NBEA: variants seen among roughly 807,000 people sequenced by gnomAD.
NBEA encodes neurobeachin, also known as lysosomal-trafficking regulator 2.
NBEA carries 44 observed loss-of-function variants against 343.4 expected under a neutral mutation model. The observed-to-expected ratio is 0.13, with a 90% CI of 0.10 to 0.16. The LOEUF (loss-of-function observed/expected upper bound fraction) is 0.16. Ranked by LOEUF, NBEA falls within the 10% of genes least tolerant of loss-of-function variation. NBEA has a pLI of 1.00. For synonymous variants in NBEA, 1,175 were observed against 1,238.7 expected (o/e 0.95, Z 1.08); for missense variants, 2,555 against 3,631.3 (o/e 0.70, Z 7.62).
chr13:35,308,576 G>GTATATATGTA (rs2037136564), intron 35 of NBEA, among the ~76,000 whole-genome samples: 2 of 118,408 alleles, frequency 1.7e-5, no homozygotes, highest in South Asian at 2.4e-4. Flanking sequence ...GTATATATAT[G>GTATATATGTA]TATATATGTA....
chr13:35,178,797 A>C (rs1323147572), intron 28 of NBEA, among the ~76,000 whole-genome samples: 2 of 151,534 alleles, frequency 1.3e-5, no homozygotes, highest in African/African-American at 4.8e-5. Flanking sequence ...CTGTAATCTA[A>C]ACTCTAACCT....
chr13:35,275,533 A>G (rs575916276), intron 34 of NBEA, among the ~76,000 whole-genome samples: 1 of 152,340 alleles, frequency 6.6e-6, no homozygotes, highest in African/African-American at 2.4e-5. Flanking sequence ...GAGCTTCTGC[A>G]CAGCAAAGGA....
At chr13:35,449,354 G>A (rs1045226045) in intron 39 of NBEA, among the ~76,000 whole-genome samples, 1 of 152,206 alleles carries the variant, frequency 6.6e-6, no homozygotes, top group Non-Finnish European at 1.5e-5. Flanking sequence ...AACAGTGATG[G>A]CCTGAACTAG....
chr13:35,607,263 C>T (rs73501151), intron 48 of NBEA, among the ~76,000 whole-genome samples: 4,804 of 152,174 alleles, frequency 0.032, 278 homozygotes, highest in African/African-American at 0.11. Flanking sequence ...CACTATGTTG[C>T]ACGCACTGAT....
chr13:35,010,371 G>T (rs903779814), intron 1 of NBEA, among the ~76,000 whole-genome samples: 1 of 151,956 alleles, frequency 6.6e-6, no homozygotes, highest in East Asian at 1.9e-4. Flanking sequence ...GAGGCTAGGA[G>T]TTTGAAGACC....
chr13:35,086,285 C>T (rs1037753566), intron 10 of NBEA, among the ~76,000 whole-genome samples: 1 of 151,812 alleles, frequency 6.6e-6, no homozygotes, highest in Non-Finnish European at 1.5e-5. Flanking sequence ...AATCCTAAGC[C>T]GTTTTGGTAA....
chr13:35,176,811 T>C (rs1166171585), intron 27 of NBEA, among the ~76,000 whole-genome samples, 185 bp from the exon 28 acceptor site: 2 of 151,910 alleles, frequency 1.3e-5, no homozygotes, highest in African/African-American at 4.8e-5. Context: ...AGAATGCTAG[T>C]ATGGAAACCA....
At chr13:35,464,697 G>A (rs2047078074) in intron 40 of NBEA, among the ~76,000 whole-genome samples, 1 of 152,166 alleles carries the variant, frequency 6.6e-6, no homozygotes, top group African/African-American at 2.4e-5. Flanking sequence ...GGAGATGATA[G>A]TAGTGCTATC....
intron 36 of NBEA, among the ~76,000 whole-genome samples, chr13:35,329,529 A>G (rs1215083671): frequency 6.6e-6 from 1 of 152,020 alleles, no homozygotes; most frequent in Non-Finnish European, 1.5e-5. Flanking sequence ...TGAGCTACTG[A>G]TACACACAAT....
At chr13:35,387,435 T>C (rs2042294371) in intron 38 of NBEA, among the ~76,000 whole-genome samples, 1 of 152,166 alleles carries the variant, frequency 6.6e-6, no homozygotes, top group Admixed American at 6.5e-5. Flanking sequence ...GATTAATTAA[T>C]GGCACCTATT....
At chr13:35,412,948 A>T (rs1402217701) in intron 38 of NBEA, among the ~76,000 whole-genome samples, 1 of 152,168 alleles carries the variant, frequency 6.6e-6, no homozygotes, top group African/African-American at 2.4e-5. Context: ...TCTCAAAGGG[A>T]TTAATGAAAA....
At chr13:34,957,057 A>C (rs963416386) in intron 1 of NBEA, among the ~76,000 whole-genome samples, 5 of 152,050 alleles carry the variant, frequency 3.3e-5, no homozygotes, top group African/African-American at 1.2e-4. Flanking sequence ...ACACACACAT[A>C]TATACATACA....
intron 45 of NBEA, among the ~76,000 whole-genome samples, chr13:35,577,649 A>G (rs186925395): frequency 8.5e-5 from 13 of 152,146 alleles, no homozygotes; most frequent in Admixed American, 5.2e-4. Flanking sequence ...GAAATTTTAT[A>G]TAATATTATA....
At chr13:35,625,127 G>C (rs1027961139) in intron 48 of NBEA, among the ~76,000 whole-genome samples, 1 of 151,958 alleles carries the variant, frequency 6.6e-6, no homozygotes, top group African/African-American at 2.4e-5. Flanking sequence ...TAAATATAAA[G>C]CTAAATGATA....
intron 53 of NBEA, among the ~76,000 whole-genome samples, chr13:35,653,574 G>T (rs1199773014): frequency 1.3e-5 from 2 of 152,074 alleles, no homozygotes; most frequent in East Asian, 3.9e-4. Context: ...TAAGTGATCT[G>T]CCTGCCTGGC....
At chr13:35,062,084 T>A (rs2063487353) in intron 8 of NBEA, among the ~76,000 whole-genome samples, 2 of 151,626 alleles carry the variant, frequency 1.3e-5, no homozygotes, top group African/African-American at 4.8e-5. Flanking sequence ...AACACCAAGA[T>A]AACTCACATG....
chr13:35,642,990 C>A (rs1348793281), intron 49 of NBEA, among the ~76,000 whole-genome samples: 1 of 150,964 alleles, frequency 6.6e-6, no homozygotes, highest in African/African-American at 2.4e-5. Context: ...ATCTCACTGA[C>A]CCTTGCAGAC....
At chr13:35,555,128 A>C in intron 44 of NBEA, 26 bp downstream of exon 44, 1 of 1,281,726 alleles carries the variant, frequency 7.8e-7, no homozygotes, top group Non-Finnish European at 1.1e-6. Flanking sequence ...CTTTAATCTA[A>C]TAATATGTTT....
Position 35,426,660 on chromosome 13 carries a change from G to T in NBEA, c.6180-5609G>T, listed in dbSNP as rs566868008. On this transcript the variant is annotated intron_variant, in intron 38 of 58. Coordinates refer to ENST00000379939, the MANE Select transcript of NBEA (RefSeq NM_001385012.1). ...CTTCTCGAGGAGTATCTTTGTGGCG[G>T]TCTCTGTATTTCCTGAATTTGAATG... 7.2e-3 allele frequency among the ~76,000 whole-genome samples: 1,098 copies of T among 152,098 alleles called. 6 individuals carry two copies. The highest frequency in any genetic ancestry group is 0.016 in the African/African-American group (657 of 41,472).
Sources: allele counts gnomAD v4.1 joint callset (sites outside exome capture counted in the v4.1 genomes callset), GRCh38; gene constraint gnomAD v4.1.1; transcripts MANE v1.5; gene names NCBI Gene and HGNC (gene_info 2026-07-23, HGNC 2026-07-21).